Variants in IL1RAPL2 observed in about 807,000 individuals in gnomAD.
IL1RAPL2 encodes the protein interleukin 1 receptor accessory protein like 2, also known as X-linked interleukin-1 receptor accessory protein-like 2.
In IL1RAPL2, 3 loss-of-function variants were observed where a neutral mutation model predicts 44.1. That is an observed-to-expected ratio of 0.07 (90% confidence interval 0.03 to 0.18). The LOEUF is 0.18. IL1RAPL2 is among the 10% of genes least tolerant of loss of function. The probability of loss-of-function intolerance (pLI) is 1.00; values close to 1 mark genes in which losing one functional copy is unlikely to be tolerated. For missense variants in IL1RAPL2, 391 were observed against 496.4 expected (o/e 0.79, Z 2.02); for synonymous variants, 181 against 178.8 (o/e 1.01, Z -0.10).
At chrX:105,667,799 T>A (rs2037783262) in intron 6 of IL1RAPL2, among the ~76,000 whole-genome samples, 1 of 111,534 alleles carries the variant, frequency 9.0e-6, no homozygotes, top group South Asian at 3.8e-4. Flanking sequence ...AAGGCCTGTG[T>A]AAGGCTACGG....
intron 2 of IL1RAPL2, among the ~76,000 whole-genome samples, chrX:105,184,478 CATA>C (rs2033565272): frequency 4.9e-5 from 1 of 20,441 alleles, no homozygotes; most frequent in South Asian, 1.3e-3. Flanking sequence ...GATATAAATA[CATA>C]CACATTTATA....
chrX:104,629,935 T>C (rs932301106), intron 1 of IL1RAPL2, among the ~76,000 whole-genome samples: 1 of 112,078 alleles, frequency 8.9e-6, no homozygotes, highest in East Asian at 2.8e-4. Flanking sequence ...TATAGTGTTG[T>C]AATATATTTT....
intron 2 of IL1RAPL2, among the ~76,000 whole-genome samples, chrX:105,146,259 C>T (rs1230707915): frequency 9.0e-6 from 1 of 111,546 alleles, no homozygotes; most frequent in Non-Finnish European, 1.9e-5. Flanking sequence ...ATTCCCATTC[C>T]TACTGACCTT....
chrX:105,203,450 A>G, intron 3 of IL1RAPL2, among the ~76,000 whole-genome samples: 1 of 112,050 alleles, frequency 8.9e-6, no homozygotes. Flanking sequence ...TATAAGTCCA[A>G]ACCCTTCAAA....
intron 5 of IL1RAPL2, among the ~76,000 whole-genome samples, chrX:105,372,570 C>A (rs2035350836): frequency 2.7e-5 from 3 of 110,940 alleles, no homozygotes; most frequent in Admixed American, 9.6e-5. Flanking sequence ...CGGATTATTT[C>A]TTCACCCAGG....
At chrX:104,650,589 A>T (rs1306314083) in intron 1 of IL1RAPL2, among the ~76,000 whole-genome samples, 2 of 110,970 alleles carry the variant, frequency 1.8e-5, no homozygotes, top group Non-Finnish European at 1.9e-5. Flanking sequence ...AGGCAGTTTG[A>T]CAGATTTTCC....
chrX:104,616,242 C>G (rs1929275960), intron 1 of IL1RAPL2, among the ~76,000 whole-genome samples: 1 of 111,864 alleles, frequency 8.9e-6, no homozygotes, highest in Non-Finnish European at 1.9e-5. Context: ...TGTGCAGAAT[C>G]TCTTTAGTTT....
intron 2 of IL1RAPL2, among the ~76,000 whole-genome samples, chrX:104,947,594 T>A (rs1401397724): frequency 9.6e-6 from 1 of 104,712 alleles, no homozygotes; most frequent in Admixed American, 1.1e-4. Context: ...GATTTTTGTA[T>A]AAGGTGTAAG....
At chrX:105,447,098 TATATATATAAAA>T (rs1361429958) in intron 5 of IL1RAPL2, among the ~76,000 whole-genome samples, 5 of 58,168 alleles carry the variant, frequency 8.6e-5, no homozygotes, top group African/African-American at 2.2e-4. Context: ...TATATATATA[TATATATATAAAA>T]ATATATATAA....
At chrX:104,747,694 T>C (rs1020226794) in intron 2 of IL1RAPL2, among the ~76,000 whole-genome samples, 2 of 110,870 alleles carry the variant, frequency 1.8e-5, no homozygotes, top group Non-Finnish European at 3.8e-5. Flanking sequence ...GCAAAGAGCA[T>C]TGGAGGCATG....
intron 5 of IL1RAPL2, among the ~76,000 whole-genome samples, chrX:105,445,239 CT>C (rs1255701634): frequency 9.0e-6 from 1 of 111,640 alleles, no homozygotes; most frequent in Non-Finnish European, 1.9e-5. Context: ...GTTATAATGT[CT>C]TTTTTTATCT....
chrX:105,443,860 C>G (rs895617738), intron 5 of IL1RAPL2, among the ~76,000 whole-genome samples: 1 of 111,873 alleles, frequency 8.9e-6, no homozygotes, highest in Non-Finnish European at 1.9e-5. Flanking sequence ...ATGTACACAG[C>G]AGTGGGATCG....
chrX:104,781,328 G>A (rs1175188493), intron 2 of IL1RAPL2, among the ~76,000 whole-genome samples: 2 of 111,882 alleles, frequency 1.8e-5, no homozygotes, highest in Non-Finnish European at 3.8e-5. Flanking sequence ...TGCAGCTAGT[G>A]ATATGGAAGC....
At chrX:104,603,683 T>A (rs1335891091) in intron 1 of IL1RAPL2, among the ~76,000 whole-genome samples, 1 of 110,862 alleles carries the variant, frequency 9.0e-6, no homozygotes, top group East Asian at 2.9e-4. Flanking sequence ...GCTGATTCGA[T>A]CAAGCGGAAG....
At position 104,599,652 on chromosome X, in the gene IL1RAPL2, A is replaced by G. The variant is rs1030132711; in HGVS notation, c.-20+32601A>G. On this transcript the variant is annotated intron_variant, in intron 1 of 10. Transcript: ENST00000372582. ...AAAGGAAACTTTTGATGGATTTAGC[A>G]CACACACACACACACACACACACAC... 3.5e-4 allele frequency among the ~76,000 whole-genome samples: 20 copies of G among 56,799 alleles called. No homozygotes were observed. The East Asian group carries it at 5.9e-3, about 17-fold the overall frequency. 49.3% of individuals were successfully genotyped at this position (56,799 alleles called of 115,157 possible). A position where few individuals can be genotyped will look rare whatever the true frequency, so the allele number is the denominator to read the frequency against.
chrX:105,633,917 T>C (rs1336218890), intron 6 of IL1RAPL2, among the ~76,000 whole-genome samples: 2 of 111,319 alleles, frequency 1.8e-5, no homozygotes, highest in Non-Finnish European at 3.8e-5. Context: ...GGCAAGTATA[T>C]GAATACATAA....
At chrX:105,112,782 A>G (rs114658564) in intron 2 of IL1RAPL2, among the ~76,000 whole-genome samples, 9,806 of 112,621 alleles carry the variant, frequency 0.087, 1,030 homozygotes, top group African/African-American at 0.3. Context: ...TGAATCCAAA[A>G]TTGTTACAAA....
chrX:105,472,509 A>C lies in IL1RAPL2; in HGVS notation c.698-11804A>C, dbSNP rs1034890523. 1.5e-4 allele frequency among the ~76,000 whole-genome samples: 17 copies of C among 111,959 alleles called. No homozygotes were observed. The Admixed American group carries it at 1.6e-3, about 11-fold the overall frequency. ...GTCTCCGAGTTGGACTTAATGAGAT[A>C]ATCATGGGAAAGAGAAAGTGCTTTG... On this transcript the variant is annotated intron_variant, in intron 5 of 10. Transcript: ENST00000372582.
intron 5 of IL1RAPL2, among the ~76,000 whole-genome samples, chrX:105,420,076 T>C (rs2035763416): frequency 1.8e-5 from 2 of 111,107 alleles, no homozygotes; most frequent in African/African-American, 6.5e-5. Flanking sequence ...GGTTTTTTTT[T>C]TTCTTCTGAG....
Sources: gnomAD v4.1 joint callset for allele counts (sites outside exome capture counted in the v4.1 genomes callset) on GRCh38, gnomAD v4.1.1 for gene constraint, MANE v1.5 for transcripts, NCBI Gene and HGNC (gene_info 2026-07-23, HGNC 2026-07-21) for gene names.